The following FGF14 variants were observed in gnomAD, a reference collection of about 807,000 sequenced individuals.
The protein encoded by FGF14 is fibroblast growth factor homologous factor 4.
In FGF14, 5 loss-of-function variants were observed where a neutral mutation model predicts 25.5. The ratio of observed to expected loss-of-function variants is 0.20; its 90% CI spans 0.10 to 0.41. FGF14 has a LOEUF of 0.41. Among genes scored for constraint, FGF14 ranks in the 10% least tolerant of loss-of-function variants. The probability of loss-of-function intolerance (pLI) is 1.00; values close to 1 mark genes in which losing one functional copy is unlikely to be tolerated. For missense variants in FGF14, 222 were observed against 320.1 expected, an observed-to-expected ratio of 0.69 and a Z score of 2.34; for synonymous variants, 138 against 118.3, an observed-to-expected ratio of 1.17 and a Z score of -1.08.
At chr13:102,161,597 A>AGAAGAAGAAGAAGAG (rs2047674580) in intron 1 of FGF14, among the ~76,000 whole-genome samples, 1 of 2,688 alleles carries the variant, frequency 3.7e-4, no homozygotes, top group Non-Finnish European at 5.4e-4. Context: ...AAGAAGAAGA[A>AGAAGAAGAAGAAGAG]GAAGAAGAAG....
chr13:102,208,246 C>T (rs2050019963), intron 1 of FGF14, among the ~76,000 whole-genome samples: 1 of 152,080 alleles, frequency 6.6e-6, no homozygotes, highest in African/African-American at 2.4e-5. Context: ...GCTGACAAGC[C>T]CTTTGAGGTC....
chr13:102,117,158 TATA>T (rs1485021669), intron 1 of FGF14, among the ~76,000 whole-genome samples: 1 of 152,244 alleles, frequency 6.6e-6, no homozygotes. Context: ...TTTTGGTTTC[TATA>T]ATATTTTTTC....
At chr13:102,298,373 T>C (rs951192144) in intron 1 of FGF14, among the ~76,000 whole-genome samples, 1 of 152,172 alleles carries the variant, frequency 6.6e-6, no homozygotes, top group Non-Finnish European at 1.5e-5. Flanking sequence ...ATATATTTAA[T>C]ATAAAATAAA....
At chr13:102,344,265 C>T (rs937952721) in intron 1 of FGF14, among the ~76,000 whole-genome samples, 6 of 152,116 alleles carry the variant, frequency 3.9e-5, no homozygotes, top group Admixed American at 2.6e-4. Flanking sequence ...CAAAATGCTA[C>T]GATTTCTGGT....
Position 102,284,901 on chromosome 13 carries a change from C to T in FGF14, c.208+116570G>A, listed in dbSNP as rs970368160. On this transcript the variant is annotated intron_variant, in intron 1 of 4. Coordinates refer to the FGF14 transcript ENST00000376131. Reference sequence around the variant, plus strand: ...AGCTCTCTCTCACCCTGTCATTCTTCCTTTTCTATTTCTCTCTCTCTCTCC... The same window carrying T: ...AGCTCTCTCTCACCCTGTCATTCTTTCTTTTCTATTTCTCTCTCTCTCTCC... Among the ~76,000 whole-genome samples the T allele has an allele frequency of 2.6e-5, 4 of 151,956 alleles. No homozygotes were observed. The South Asian group carries it at 8.3e-4, about 32-fold the overall frequency.
chr13:101,797,772 T>TGTGTGTGTGTGTGCGTGTGC (rs1555384576), intron 3 of FGF14, among the ~76,000 whole-genome samples: 1 of 145,556 alleles, frequency 6.9e-6, no homozygotes, highest in Non-Finnish European at 1.5e-5. Context: ...TGTGTGTGTG[T>TGTGTGTGTGTGTGCGTGTGC]GTGTGTGTGT....
At chr13:101,812,967 A>T (rs1021264630) in intron 3 of FGF14, among the ~76,000 whole-genome samples, 1 of 152,088 alleles carries the variant, frequency 6.6e-6, no homozygotes, top group Admixed American at 6.6e-5. Flanking sequence ...ATGCCCAGCT[A>T]AAACTCTCTT....
At chr13:102,336,339 C>A (rs1346295712) in intron 1 of FGF14, among the ~76,000 whole-genome samples, 2 of 152,172 alleles carry the variant, frequency 1.3e-5, no homozygotes, top group African/African-American at 4.8e-5. Flanking sequence ...GAAGATCAAA[C>A]CAGTCACAAC....
Position 101,940,528 on chromosome 13 carries a change from AC to A in FGF14, c.209-65233del, listed in dbSNP as rs1300441075. ...GCTTTTGTACAAATTGCTTTTTTCT[AC>A]TTGAACTACTTGATAGGGTTGACCC... On this transcript the variant is annotated intron_variant, in intron 1 of 4. Transcript: ENST00000376131. Among the ~76,000 whole-genome samples, 3 of 152,156 alleles carry A rather than the reference AC, an allele frequency of 2.0e-5. No homozygotes were observed. The East Asian group carries it at 5.8e-4, about 29-fold the overall frequency.
At chr13:102,035,886 G>C (rs1214883916) in intron 1 of FGF14, among the ~76,000 whole-genome samples, 1 of 152,112 alleles carries the variant, frequency 6.6e-6, no homozygotes, top group African/African-American at 2.4e-5. Context: ...AAGGATCAAA[G>C]AAGCAGAATG....
At chr13:101,908,148 A>C (rs1045868816) in intron 1 of FGF14, among the ~76,000 whole-genome samples, 1 of 152,160 alleles carries the variant, frequency 6.6e-6, no homozygotes, top group African/African-American at 2.4e-5. Flanking sequence ...ATTTTAAAAA[A>C]GAAATGTACC....
intron 1 of FGF14, among the ~76,000 whole-genome samples, chr13:102,277,191 CAAG>C (rs1190769124): frequency 1.3e-5 from 2 of 152,204 alleles, no homozygotes; most frequent in Non-Finnish European, 2.9e-5. Context: ...GAATGACTAT[CAAG>C]AAGATCTATT....
chr13:102,111,679 G>C (rs757413675), intron 1 of FGF14, among the ~76,000 whole-genome samples: 4 of 149,564 alleles, frequency 2.7e-5, no homozygotes, highest in Non-Finnish European at 4.4e-5. Context: ...CTGTGCCACT[G>C]TACTCTAGCC....
At chr13:102,028,707 GTTTT>G (rs376321040) in intron 1 of FGF14, among the ~76,000 whole-genome samples, 2 of 151,342 alleles carry the variant, frequency 1.3e-5, no homozygotes, top group Non-Finnish European at 2.9e-5. Flanking sequence ...GGAATATGGG[GTTTT>G]TTTTGTTTTG....
intron 3 of FGF14, among the ~76,000 whole-genome samples, chr13:101,826,230 A>T (rs189236606): frequency 6.6e-6 from 1 of 152,022 alleles, no homozygotes; most frequent in African/African-American, 2.4e-5. Context: ...CAATGTTTCC[A>T]TATTTAAATA....
chr13:102,371,047 G>A (rs934805559), intron 1 of FGF14, among the ~76,000 whole-genome samples: 2 of 150,886 alleles, frequency 1.3e-5, no homozygotes, highest in African/African-American at 4.9e-5. Context: ...TATTCCTATT[G>A]TCCTCATGTA....
chr13:102,085,250 G>A (rs925748303), intron 1 of FGF14, among the ~76,000 whole-genome samples: 2 of 151,854 alleles, frequency 1.3e-5, no homozygotes, highest in South Asian at 2.1e-4. Context: ...GCTGGTGGGG[G>A]AGGGGGAGGA....
At chr13:101,921,160 T>C (rs886921729), upstream of FGF14, among the ~76,000 whole-genome samples, 2 of 152,208 alleles carry the variant, frequency 1.3e-5, no homozygotes, top group Non-Finnish European at 2.9e-5. Flanking sequence ...ACTTTTTGGC[T>C]CTGTCTTGAT....
Position 101,726,796 on chromosome 13 carries a change from A to C in FGF14, c.423T>G (p.Pro141=), listed in dbSNP as rs1450603924. The C allele has an allele frequency of 3.7e-6, 6 of 1,609,642 alleles. No homozygotes were observed. The highest frequency in any genetic ancestry group is 5.1e-6 in the Non-Finnish European group (6 of 1,178,372). Residue 141 remains proline, a synonymous_variant, in exon 4 of 5, where the codon CCT becomes CCG. Coordinates refer to ENST00000376143, the MANE Select transcript of FGF14 (RefSeq NM_004115.4). ...GYLYPSELFT[P]ECKFKESVFE... is the part of the protein sequence containing the mutation. Reference sequence around the variant, plus strand: ...AAACAGATTCTTTAAACTTGCATTCAGGGGTAAAAAGTTCCTGTGGAGAGA... The same window carrying C: ...AAACAGATTCTTTAAACTTGCATTCCGGGGTAAAAAGTTCCTGTGGAGAGA...
Sources: allele counts gnomAD v4.1 joint callset (sites outside exome capture counted in the v4.1 genomes callset), GRCh38; gene constraint gnomAD v4.1.1; transcripts MANE v1.5; gene names NCBI Gene and HGNC (gene_info 2026-07-23, HGNC 2026-07-21).